UNC13C: variants seen among roughly 807,000 people sequenced by gnomAD.
UNC13C encodes the protein unc-13 homolog C, also known as protein unc-13 homolog C.
In UNC13C, 174 loss-of-function variants were observed where a neutral mutation model predicts 245.4. That is an observed-to-expected ratio of 0.71 (90% CI 0.63 to 0.80). UNC13C has a LOEUF of 0.80. Ranked by LOEUF, UNC13C falls within the 30% of genes least tolerant of loss-of-function variation. The probability of loss-of-function intolerance (pLI) is 0.00; values close to 1 mark genes in which losing one functional copy is unlikely to be tolerated. For synonymous variants in UNC13C, 992 were observed against 895.1 expected, an observed-to-expected ratio of 1.11 and a Z score of -1.93; for missense variants, 2,829 against 2,602.9, an observed-to-expected ratio of 1.09 and a Z score of -1.89.
intron 6 of UNC13C, 116 bp from the exon 7 acceptor site, chr15:54,237,503 A>T (rs1456217472): frequency 5.0e-6 from 4 of 796,152 alleles, no homozygotes; most frequent in Admixed American, 2.0e-5. Context: ...GCAGGTCCTT[A>T]CTAACTAAAA....
In UNC13C at chr15:54,264,263, C is replaced by G. The variant is rs755181555; in HGVS notation, c.3544C>G (p.Arg1182Gly). The G allele has an allele frequency of 6.3e-7, 1 of 1,598,466 alleles. No individual in the cohort carries two copies. Among genetic ancestry groups the G allele is most frequent in the Non-Finnish European group, 8.5e-7 (1 of 1,172,064 alleles). The change falls in exon 9 of 33, where the codon CGG becomes GGG. Residue 1182 changes from arginine to glycine, a missense_variant. Transcript: ENST00000260323. ...AAGAATGAAGATCAGGGAGAAAAAC[C>G]GGCCAGAAGTATTTGAAGTAATCCA... ...KERMKIREKNRPEVFEVIQEM... is the reference protein window; with the variant it reads ...KERMKIREKNGPEVFEVIQEM...
the UNC13C span, among the ~76,000 whole-genome samples, chr15:53,903,070 G>A: frequency 2.0e-5 from 3 of 152,180 alleles, no homozygotes; most frequent in African/African-American, 7.2e-5. Flanking sequence ...ACAAGATAAT[G>A]CCAATGTAAT....
At chr15:54,241,924 C>T (rs2035863877) in intron 7 of UNC13C, among the ~76,000 whole-genome samples, 5 of 152,136 alleles carry the variant, frequency 3.3e-5, no homozygotes, top group Admixed American at 3.3e-4. Flanking sequence ...GCAAGTATTG[C>T]TGTTGGTTCT....
At chr15:53,870,579 C>G in the UNC13C span, among the ~76,000 whole-genome samples, 3 of 152,182 alleles carry the variant, frequency 2.0e-5, no homozygotes, top group African/African-American at 7.2e-5. Context: ...GAAAAATGCA[C>G]TTCTGTCTTA....
chr15:54,592,997 T>C (rs1898885028), intron 30 of UNC13C, among the ~76,000 whole-genome samples: 2 of 152,164 alleles, frequency 1.3e-5, no homozygotes. Flanking sequence ...CTTGTAGTGA[T>C]GGCTTGGTAA....
intron 2 of UNC13C, among the ~76,000 whole-genome samples, chr15:54,129,778 T>C (rs1475726018): frequency 1.3e-5 from 2 of 151,536 alleles, no homozygotes; most frequent in East Asian, 3.9e-4. Context: ...ATATTGTTTA[T>C]ATGTACATTC....
chr15:53,927,640 T>G, the UNC13C span, among the ~76,000 whole-genome samples: 1 of 152,206 alleles, frequency 6.6e-6, no homozygotes, highest in Non-Finnish European at 1.5e-5. Context: ...CACAAGTGGT[T>G]ATTTGAAGCT....
intron 9 of UNC13C, 95 bp from the exon 10 acceptor site, chr15:54,265,260 C>A: frequency 9.0e-7 from 1 of 1,114,710 alleles, no homozygotes; most frequent in Non-Finnish European, 1.2e-6. Flanking sequence ...TCTATAAGCC[C>A]AAAGAACCAA....
At chr15:54,327,782 T>C (rs2038336903) in intron 14 of UNC13C, among the ~76,000 whole-genome samples, 1 of 152,028 alleles carries the variant, frequency 6.6e-6, no homozygotes, top group Admixed American at 6.6e-5. Flanking sequence ...TGTTTGCTAA[T>C]TACAGGCATG....
At chr15:54,319,933 T>C (rs1310107345) in intron 13 of UNC13C, among the ~76,000 whole-genome samples, 2 of 152,008 alleles carry the variant, frequency 1.3e-5, no homozygotes, top group South Asian at 2.1e-4. Flanking sequence ...CTGATGGGTA[T>C]AAATGATACC....
chr15:54,503,620 G>A (rs1894330979), intron 22 of UNC13C, among the ~76,000 whole-genome samples: 1 of 151,962 alleles, frequency 6.6e-6, no homozygotes, highest in African/African-American at 2.4e-5. Flanking sequence ...TTTTAGTAGA[G>A]ACAGGGTTTC....
intron 2 of UNC13C, among the ~76,000 whole-genome samples, chr15:54,087,463 A>G (rs1007337135): frequency 2.6e-5 from 4 of 152,102 alleles, no homozygotes; most frequent in Non-Finnish European, 5.9e-5. Flanking sequence ...TGTATATTTC[A>G]CTCATCTTTA....
At chr15:54,622,192 C>T in intron 30 of UNC13C, 135 bp from the exon 31 acceptor site, 1 of 607,254 alleles carries the variant, frequency 1.6e-6, no homozygotes, top group Non-Finnish European at 3.0e-6. Context: ...TATTTATCAT[C>T]ACCTATTACG....
intron 29 of UNC13C, among the ~76,000 whole-genome samples, chr15:54,562,213 G>A (rs146832288): frequency 2.5e-3 from 374 of 152,104 alleles, no homozygotes; most frequent in African/African-American, 8.4e-3. Flanking sequence ...AAGAACTCCA[G>A]CATTCACATA....
chr15:53,911,892 C>T, the UNC13C span: 7 of 152,264 alleles, frequency 4.6e-5, no homozygotes, highest in African/African-American at 1.4e-4. Flanking sequence ...TGCTTTGGCC[C>T]TCTAGCTGCT....
Position 54,567,877 on chromosome 15 carries a change from T to C in UNC13C, c.6036T>C (p.Tyr2012=). ...GCCCAGATCTTCAGTCTCTGAGATA[T>C]GCTCTCAGTCTTTATACCCAAACTA... The part of the protein sequence containing the change: ...EKSPDLQSLR[Y]ALSLYTQTTD... The change falls in exon 30 of 33, where the codon TAT becomes TAC. Residue 2012 remains tyrosine (Y), a synonymous_variant. Coordinates refer to ENST00000260323, the MANE Select transcript of UNC13C (RefSeq NM_001080534.3). 9.4e-6 allele frequency: 15 copies of C among 1,599,880 alleles called. No individual in the cohort carries two copies. Among genetic ancestry groups the C allele is most frequent in the Non-Finnish European group, 1.3e-5 (15 of 1,171,978 alleles).
intron 2 of UNC13C, among the ~76,000 whole-genome samples, chr15:54,034,621 G>A (rs73415102): frequency 0.022 from 3,328 of 152,242 alleles, 120 homozygotes; most frequent in South Asian, 0.13. Context: ...AATTCTTAGT[G>A]TATTTGCTTG....
intron 4 of UNC13C, among the ~76,000 whole-genome samples, chr15:54,225,148 G>C (rs1259200850): frequency 6.7e-6 from 1 of 148,350 alleles, no homozygotes; most frequent in South Asian, 2.2e-4. Context: ...TAGATGTGCA[G>C]TCTTATTTCT....
intron 1 of UNC13C, among the ~76,000 whole-genome samples, chr15:53,989,795 C>T (rs1258102837): frequency 6.6e-6 from 1 of 151,968 alleles, no homozygotes; most frequent in Non-Finnish European, 1.5e-5. Flanking sequence ...AGACAGCAGC[C>T]AGCATGGCTA....
Sources: gnomAD v4.1 joint callset for allele counts (sites outside exome capture counted in the v4.1 genomes callset) on GRCh38, gnomAD v4.1.1 for gene constraint, MANE v1.5 for transcripts, NCBI Gene and HGNC (gene_info 2026-07-23, HGNC 2026-07-21) for gene names.